PRDM2: variants seen among roughly 807,000 people sequenced by gnomAD.
PRDM2 encodes PR/SET domain 2.
Under a neutral mutation model 130.0 loss-of-function variants are expected in PRDM2, and 30 were observed. The ratio of observed to expected loss-of-function variants is 0.23; its 90% CI spans 0.17 to 0.31. The LOEUF is 0.31. Ranked by LOEUF, PRDM2 falls within the 10% of genes least tolerant of loss-of-function variation. PRDM2 has a pLI of 1.00. For synonymous variants in PRDM2, 871 were observed against 782.4 expected (o/e 1.11, Z -1.89); for missense variants, 2,011 against 2,108.4 (o/e 0.95, Z 0.90).
intron 7 of PRDM2, among the ~76,000 whole-genome samples, chr1:13,775,529 GA>G: frequency 6.6e-6 from 1 of 152,336 alleles, no homozygotes; most frequent in East Asian, 1.9e-4. Flanking sequence ...AGTCTAGGGG[GA>G]GAGAAGGCTG....
intron 1 of PRDM2, among the ~76,000 whole-genome samples, chr1:13,712,766 CA>C (rs1642410900): frequency 6.6e-6 from 1 of 151,834 alleles, no homozygotes; most frequent in South Asian, 2.1e-4. Flanking sequence ...TCTCAAAAAA[CA>C]AACAAAAAAA....
rs552519810 is a variant in PRDM2, at chr1:13,803,785, G to C, written c.5037-12642G>C. On this transcript the variant is annotated intron_variant, in intron 8 of 9. Transcript: ENST00000311066. This position sits in a 1 kb window ranked among gnomAD's most constrained non-coding sequence, Gnocchi z 6.2. ...CCCTATCAACTGGGTCATGTGTTAC[G>C]AGCTTCTCACATGCTGGGTATTTAG... Among the ~76,000 whole-genome samples the C allele has an allele frequency of 6.6e-6, 1 of 152,262 alleles. No homozygotes were observed. Among genetic ancestry groups the C allele is most frequent in the South Asian group, 2.1e-4 (1 of 4,824 alleles).
rs777722731 is a variant in PRDM2, at chr1:13,779,227, G to A, written c.1432G>A (p.Glu478Lys). 6.8e-6 allele frequency: 11 copies of A among 1,614,184 alleles called. No individual in the cohort carries two copies. The highest frequency in any genetic ancestry group is 9.3e-6 in the Non-Finnish European group (11 of 1,180,028). Reference protein sequence around the residue: ...INSSVVEENGEVKELHPCKYC... With the variant: ...INSSVVEENGKVKELHPCKYC... ...TTCTTCTGTCGTAGAAGAGAATGGGGAAGTTAAAGAACTTCATCCGTGCAA... is the reference window on the plus strand; with the variant it reads ...TTCTTCTGTCGTAGAAGAGAATGGGAAAGTTAAAGAACTTCATCCGTGCAA... Residue 478 changes from glutamate to lysine, a missense_variant, in exon 8 of 10, where the codon GAA (glutamate) becomes AAA (lysine). Physicochemically the swap from Glu to Lys is moderately conservative, Grantham distance 56. Transcript: ENST00000311066. The surrounding 1 kb of genome is among the most constrained non-coding windows in gnomAD (Gnocchi z 4.9).
chr1:13,749,846 C>T (rs1643759218), intron 6 of PRDM2, among the ~76,000 whole-genome samples: 1 of 152,088 alleles, frequency 6.6e-6, no homozygotes, highest in Admixed American at 6.5e-5. Context: ...CCCCAAGCCG[C>T]GCTCCGCAGC....
At position 13,824,976 on chromosome 1, in the gene PRDM2, A is replaced by C; in HGVS notation, c.*1841A>C. 1 of 152,662 alleles carries C rather than the reference A, an allele frequency of 6.6e-6. No homozygotes were observed. The highest frequency in any genetic ancestry group is 2.4e-5 in the African/African-American group (1 of 41,450). 9.5% of individuals were successfully genotyped at this position (152,662 alleles called of 1,614,324 possible). A position where few individuals can be genotyped will look rare whatever the true frequency, so the allele number is the denominator to read the frequency against. On this transcript the variant is annotated 3_prime_UTR_variant, in exon 10 of 10. Coordinates refer to ENST00000311066, the MANE Select transcript of PRDM2 (RefSeq NM_001393986.1). ...ATGAAAAGGGGGGATGATTTTGTAAAAGTGGCATTTCCTGGTCAGTGGTGG... is the reference window on the plus strand; with the variant it reads ...ATGAAAAGGGGGGATGATTTTGTAACAGTGGCATTTCCTGGTCAGTGGTGG...
At chr1:13,807,373 C>T (rs951078216) in intron 8 of PRDM2, among the ~76,000 whole-genome samples, 5 of 152,210 alleles carry the variant, frequency 3.3e-5, no homozygotes, top group Non-Finnish European at 7.3e-5. Context: ...GGAGGTGCCT[C>T]CGTGACAAAC....
rs554746755 is a variant in PRDM2, at chr1:13,824,725, G to A, written c.*1590G>A. On this transcript the variant is annotated 3_prime_UTR_variant, in exon 10 of 10. Transcript: ENST00000311066. ...TATCCTAATGATGCGCTTTTGTCCC[G>A]TAAATGTTAACACTCATGAAGCATA... is the stretch of plus-strand genomic sequence containing the variant. 3.3e-5 allele frequency: 5 copies of A among 152,166 alleles called. No homozygotes were observed. The highest frequency in any genetic ancestry group is 7.2e-5 in the African/African-American group (3 of 41,418). 9.4% of individuals were successfully genotyped at this position (152,166 alleles called of 1,614,324 possible). A position where few individuals can be genotyped will look rare whatever the true frequency, so the allele number is the denominator to read the frequency against.
intron 4 of PRDM2, among the ~76,000 whole-genome samples, chr1:13,737,668 C>G (rs1360148606): frequency 6.6e-6 from 1 of 152,144 alleles, no homozygotes; most frequent in East Asian, 1.9e-4. Flanking sequence ...AATTACATTC[C>G]TCTTCTCTCA....
chr1:13,792,478 G>A (rs1014884618), intron 8 of PRDM2, among the ~76,000 whole-genome samples: 3 of 152,034 alleles, frequency 2.0e-5, no homozygotes, highest in African/African-American at 4.8e-5. Context: ...TTTTCCTTGC[G>A]GTAACATTCT....
chr1:13,758,490 C>A (rs571792676), intron 6 of PRDM2, among the ~76,000 whole-genome samples: 1 of 151,528 alleles, frequency 6.6e-6, no homozygotes, highest in East Asian at 1.9e-4. Context: ...CCCGCCCCAA[C>A]CACCCAAACA....
chr1:13,801,470 C>T (rs565794928), intron 8 of PRDM2, among the ~76,000 whole-genome samples: 6 of 152,328 alleles, frequency 3.9e-5, no homozygotes, highest in South Asian at 2.1e-4. Flanking sequence ...TGCAGAGACA[C>T]GCCCGTTTGG....
At chr1:13,702,359 G>C (rs1279109560) in intron 1 of PRDM2, among the ~76,000 whole-genome samples, 1 of 152,170 alleles carries the variant, frequency 6.6e-6, no homozygotes, top group African/African-American at 2.4e-5. Flanking sequence ...ATATTGATCT[G>C]TAAGGTTTCT....
chr1:13,750,026 A>G (rs563743445), intron 6 of PRDM2, among the ~76,000 whole-genome samples: 3 of 152,284 alleles, frequency 2.0e-5, no homozygotes, highest in African/African-American at 7.2e-5. Context: ...CGGGGAGGGC[A>G]GGGAGACTGC....
chr1:13,738,854 G>A (rs1472476843), intron 4 of PRDM2: 2 of 151,882 alleles, frequency 1.3e-5, no homozygotes, highest in Non-Finnish European at 2.9e-5. Context: ...TAATTCTGTA[G>A]GATGTCAGTT....
intron 2 of PRDM2, chr1:13,717,334 T>G: frequency 1.5e-6 from 1 of 658,876 alleles, no homozygotes; most frequent in Non-Finnish European, 1.9e-6. Flanking sequence ...AGATTGATTC[T>G]TATTACGAAC....
chr1:13,775,579 G>T (rs1644458160), intron 7 of PRDM2, among the ~76,000 whole-genome samples: 1 of 152,190 alleles, frequency 6.6e-6, no homozygotes, highest in Non-Finnish European at 1.5e-5. Context: ...CTAGTAAATG[G>T]AGTAGCAGAT....
intron 8 of PRDM2, among the ~76,000 whole-genome samples, chr1:13,809,981 T>C (rs1219782906): frequency 6.6e-6 from 1 of 152,182 alleles, no homozygotes; most frequent in African/African-American, 2.4e-5. Context: ...CATGACCTTT[T>C]TCGAGCACAC....
chr1:13,715,728 T>G (rs1397063635), intron 2 of PRDM2, 114 bp downstream of exon 2: 1 of 950,026 alleles, frequency 1.1e-6, no homozygotes, highest in Non-Finnish European at 1.5e-6. Context: ...TCATTTTTGT[T>G]TCTTAATACC....
rs1557646438 is a variant in PRDM2 at position 13,779,064 on chromosome 1, A to G, written c.1269A>G (p.Thr423=). 3 of 1,614,198 alleles carry G rather than the reference A, an allele frequency of 1.9e-6. No individual in the cohort carries two copies. Among genetic ancestry groups the G allele is most frequent in the Admixed American group, 1.7e-5 (1 of 60,026 alleles). The change falls in exon 8 of 10, where the codon ACA becomes ACG. Residue 423 remains threonine (T), a synonymous_variant. Transcript: ENST00000311066. This position sits in a 1 kb window ranked among gnomAD's most constrained non-coding sequence, Gnocchi z 4.9. The part of the protein sequence containing the change: ...EAGLKRKPSQ[T]LQPSEDLADG... ...GGTTAAAGCGGAAACCCAGCCAAAC[A>G]CTACAGCCGTCAGAGGATCTGGCTG...
Sources: gnomAD v4.1 joint callset for allele counts (sites outside exome capture counted in the v4.1 genomes callset) on GRCh38, gnomAD v4.1.1 for gene constraint, Gnocchi (gnomAD v3.1) non-coding constraint, MANE v1.5 for transcripts, NCBI Gene and HGNC (gene_info 2026-07-23, HGNC 2026-07-21) for gene names.